The following BCAS1 variants were observed in gnomAD, a reference collection of about 807,000 sequenced individuals.
BCAS1 encodes the protein brain enriched myelin associated protein 1, also known as breast carcinoma-amplified sequence 1.
In BCAS1, 46 loss-of-function variants were observed where a neutral mutation model predicts 65.4. The observed-to-expected ratio is 0.70, with a 90% CI of 0.55 to 0.90. The LOEUF (loss-of-function observed/expected upper bound fraction) is 0.90. BCAS1 is among the 40% of genes least tolerant of loss of function. BCAS1 has a pLI of 0.00. For missense variants in BCAS1, 793 were observed against 771.2 expected (o/e 1.03, Z -0.33); for synonymous variants, 298 against 293.5 (o/e 1.02, Z -0.16).
intron 4 of BCAS1, among the ~76,000 whole-genome samples, chr20:54,012,004 T>A (rs1250047478): frequency 6.6e-6 from 1 of 152,230 alleles, no homozygotes; most frequent in East Asian, 1.9e-4. Flanking sequence ...GCCTCAAAGT[T>A]GGAACAACCA....
intron 7 of BCAS1, among the ~76,000 whole-genome samples, chr20:53,991,563 T>C (rs2145818568): frequency 6.6e-6 from 1 of 152,354 alleles, no homozygotes; most frequent in East Asian, 1.9e-4. Flanking sequence ...TTTAAACTGA[T>C]GGTTTCAGAC....
Position 54,039,923 on chromosome 20 carries a change from T to C in BCAS1, c.143-10951A>G, listed in dbSNP as rs548696354. ...TCTGTCCTTGTTGTTTTTATAGAAA[T>C]TGGATCACATTAGACATATTTTCTG... On this transcript the variant is annotated intron_variant, in intron 3 of 12. Transcript: ENST00000688948. Among the ~76,000 whole-genome samples the C allele has an allele frequency of 2.6e-5, 4 of 151,488 alleles. No individual in the cohort carries two copies. In the East Asian group the frequency reaches 7.7e-4, roughly 29 times the overall value.
intron 10 of BCAS1, among the ~76,000 whole-genome samples, chr20:53,965,591 A>G (rs1600725422): frequency 6.6e-6 from 1 of 152,364 alleles, no homozygotes; most frequent in Middle Eastern, 3.4e-3. Flanking sequence ...ATTCTACACA[A>G]ATTAAAAGCA....
chr20:53,945,885 C>T (rs538595055), intron 12 of BCAS1, among the ~76,000 whole-genome samples: 9 of 152,248 alleles, frequency 5.9e-5, no homozygotes, highest in East Asian at 1.9e-4. Flanking sequence ...GATCCCCCCA[C>T]GTCAGCCTCC....
At chr20:54,051,920 G>A (rs2092222077) in intron 3 of BCAS1, among the ~76,000 whole-genome samples, 2 of 151,966 alleles carry the variant, frequency 1.3e-5, no homozygotes, top group African/African-American at 4.8e-5. Context: ...TGTATTTTTA[G>A]TAGAGACGGG....
chr20:53,944,343 C>T lies in BCAS1; in HGVS notation c.*579G>A, dbSNP rs1388228542. Reference sequence around the variant, plus strand: ...TTTTTTTTTTTGATAGAATCTTGCTCTGTCGCCCAGGGTGGAGTGCAATGG... The same window carrying T: ...TTTTTTTTTTTGATAGAATCTTGCTTTGTCGCCCAGGGTGGAGTGCAATGG... On this transcript the variant is annotated 3_prime_UTR_variant, in exon 13 of 13. Transcript: ENST00000688948. 4 of 151,162 alleles carry T rather than the reference C, an allele frequency of 2.6e-5. No individual in the cohort carries two copies. The highest frequency in any genetic ancestry group is 1.3e-4 in the Admixed American group (2 of 15,174). 9.4% of individuals were successfully genotyped at this position (151,162 alleles called of 1,614,324 possible).
intron 8 of BCAS1, among the ~76,000 whole-genome samples, chr20:53,983,167 T>C (rs111292530): frequency 1.1e-3 from 164 of 152,278 alleles, no homozygotes; most frequent in Non-Finnish European, 1.8e-3. Context: ...ATTCCAAACA[T>C]TAAATAAGCA....
intron 4 of BCAS1, among the ~76,000 whole-genome samples, chr20:54,021,866 C>T (rs1370365591): frequency 5.3e-5 from 8 of 152,022 alleles, no homozygotes; most frequent in Non-Finnish European, 8.8e-5. Flanking sequence ...TGCACGTCAC[C>T]CGGGCTCCTG....
intron 8 of BCAS1, among the ~76,000 whole-genome samples, chr20:53,981,539 C>CT (rs36063430): frequency 0.037 from 4,860 of 130,754 alleles, 83 homozygotes; most frequent in African/African-American, 0.041. Flanking sequence ...ATTTGGCGTT[C>CT]TTTTTTTTTT....
intron 1 of BCAS1, among the ~76,000 whole-genome samples, chr20:54,061,125 G>A (rs2092371812): frequency 6.6e-6 from 1 of 152,166 alleles, no homozygotes; most frequent in South Asian, 2.1e-4. Context: ...GTGAGATAGA[G>A]GTATCATGAT....
chr20:53,946,746 A>T (rs1237597582), intron 12 of BCAS1, among the ~76,000 whole-genome samples: 4 of 151,424 alleles, frequency 2.6e-5, no homozygotes, highest in Non-Finnish European at 5.9e-5. Flanking sequence ...AGTATAGCAA[A>T]GCATAATGTA....
intron 4 of BCAS1, among the ~76,000 whole-genome samples, chr20:54,005,794 A>C (rs2091173407): frequency 6.6e-6 from 1 of 152,120 alleles, no homozygotes; most frequent in Non-Finnish European, 1.5e-5. Context: ...AGAAACAGGG[A>C]GGAATGCGGG....
intron 2 of BCAS1, among the ~76,000 whole-genome samples, 177 bp downstream of exon 2, chr20:54,058,470 A>G (rs888079186): frequency 1.3e-5 from 2 of 152,132 alleles, no homozygotes; most frequent in African/African-American, 4.8e-5. Context: ...GGGCTGGAGC[A>G]CGAATTTAAT....
intron 4 of BCAS1, among the ~76,000 whole-genome samples, chr20:54,028,061 G>A (rs1226753852): frequency 6.6e-6 from 1 of 152,178 alleles, no homozygotes; most frequent in African/African-American, 2.4e-5. Flanking sequence ...TTCCACTAAT[G>A]CCTTTTCCTC....
At chr20:53,976,607 T>C (rs2090341503) in intron 8 of BCAS1, among the ~76,000 whole-genome samples, 1 of 152,252 alleles carries the variant, frequency 6.6e-6, no homozygotes, top group African/African-American at 2.4e-5. Flanking sequence ...AAGCCACTTG[T>C]TCCAGTTAAA....
At chr20:53,972,928 C>T (rs2090219908) in intron 9 of BCAS1, among the ~76,000 whole-genome samples, 1 of 152,166 alleles carries the variant, frequency 6.6e-6, no homozygotes, top group South Asian at 2.1e-4. Context: ...GATAGGCTGT[C>T]AGAAGATGAA....
intron 8 of BCAS1, among the ~76,000 whole-genome samples, chr20:53,981,342 C>G (rs2090473141): frequency 6.6e-6 from 1 of 152,152 alleles, no homozygotes. Flanking sequence ...GTGTTAAAAT[C>G]TGTATTTGAA....
chr20:54,028,341 C>T (rs375432259), intron 4 of BCAS1, 51 bp downstream of exon 4: 169 of 1,592,322 alleles, frequency 1.1e-4, no homozygotes, highest in South Asian at 4.0e-4. Flanking sequence ...ATCCCATTAG[C>T]GCCCCCGAGC....
At chr20:53,974,109 CACCAATCAGCACTCTGTAAAATGG>C (rs1432031773) in intron 9 of BCAS1, among the ~76,000 whole-genome samples, 3 of 152,072 alleles carry the variant, frequency 2.0e-5, no homozygotes, top group South Asian at 2.1e-4. Context: ...ATTGTAAATG[CACCAATCAGCACTCTGTAAAATGG>C]ACCAATCAGC....
Sources: allele counts gnomAD v4.1 joint callset (sites outside exome capture counted in the v4.1 genomes callset), GRCh38; gene constraint gnomAD v4.1.1; transcripts MANE v1.5; gene names NCBI Gene and HGNC (gene_info 2026-07-23, HGNC 2026-07-21).